MGAM: variants seen among roughly 807,000 people sequenced by gnomAD.
MGAM encodes the protein maltase-glucoamylase.
A neutral mutation model predicts 358.8 loss-of-function variants in MGAM; 253 were observed. The observed-to-expected ratio is 0.71, with a 90% CI of 0.64 to 0.78. The LOEUF (loss-of-function observed/expected upper bound fraction) is 0.78. Ranked by LOEUF, MGAM falls within the 30% of genes least tolerant of loss-of-function variation. The pLI is 0.00. For missense variants in MGAM, 3,080 were observed against 3,432.6 expected, an observed-to-expected ratio of 0.90 and a Z score of 2.57; for synonymous variants, 1,105 against 1,227.1, an observed-to-expected ratio of 0.90 and a Z score of 2.08.
At chr7:142,021,850 G>C (rs1048898236) in intron 6 of MGAM, 113 bp downstream of exon 6, 1 of 1,112,692 alleles carries the variant, frequency 9.0e-7, no homozygotes, top group Non-Finnish European at 1.3e-6. Context: ...GCCCATTATT[G>C]GTGACCAGAA....
intron 1 of MGAM, among the ~76,000 whole-genome samples, chr7:142,001,618 C>A (rs1554450646): frequency 6.6e-6 from 1 of 152,158 alleles, no homozygotes; most frequent in South Asian, 2.1e-4. Flanking sequence ...GGCTCCTCTT[C>A]CTGGCTTTCT....
At chr7:142,015,318 G>A (rs1353860834) in intron 3 of MGAM, among the ~76,000 whole-genome samples, 6 of 152,046 alleles carry the variant, frequency 3.9e-5, no homozygotes, top group African/African-American at 1.4e-4. Context: ...TTACTGTTAA[G>A]AGGCTTTGCT....
chr7:141,993,130 T>C (rs73740222), upstream of MGAM, among the ~76,000 whole-genome samples: 5,414 of 152,264 alleles, frequency 0.036, 137 homozygotes, highest in East Asian at 0.13. Flanking sequence ...TGATAAGAGA[T>C]AGTGATTTTT....
intron 2 of MGAM, 115 bp downstream of exon 2, chr7:142,005,772 C>T: frequency 9.7e-7 from 1 of 1,034,098 alleles, no homozygotes; most frequent in South Asian, 1.6e-5. Flanking sequence ...GTTGCGGGGG[C>T]TGTTATATGT....
Position 142,060,301 on chromosome 7 carries a change from C to T in MGAM, c.4060-10C>T, listed in dbSNP as rs767602138. 3.7e-6 allele frequency: 6 copies of T among 1,613,758 alleles called. No homozygotes were observed. The highest frequency in any genetic ancestry group is 5.1e-6 in the Non-Finnish European group (6 of 1,179,622). On this transcript the variant is annotated splice_polypyrimidine_tract_variant and intron_variant, in intron 33 of 70. Coordinates refer to ENST00000475668, the MANE Select transcript of MGAM (RefSeq NM_001365693.1). ...TAGTGCATCGCTACTGAACGTATTT[C>T]TCTCCATAGGTCTGGCCTGATTTTC...
rs781144067 is a variant in MGAM at position 142,078,768 on chromosome 7, A to T, written c.5647-40A>T. 1.2e-5 allele frequency: 18 copies of T among 1,501,496 alleles called. 1 individual carries two copies. The highest frequency in any genetic ancestry group is 1.0e-4 in the Admixed American group (6 of 57,804). 93.0% of individuals were successfully genotyped at this position (1,501,496 alleles called of 1,614,324 possible). A position where few individuals can be genotyped will look rare whatever the true frequency, so the allele number is the denominator to read the frequency against. The stretch of plus-strand genomic sequence containing the variant: ...GTTTAGGTTAGAGAACTTTAAGACC[A>T]CATGCTGTGCTGATCTATGACTTTG... On this transcript the variant is annotated intron_variant, in intron 48 of 70. Transcript: ENST00000475668.
chr7:142,088,546 TATCC>T (rs1814978414), intron 57 of MGAM, among the ~76,000 whole-genome samples: 3 of 143,084 alleles, frequency 2.1e-5, no homozygotes, highest in Admixed American at 7.1e-5. Context: ...CCACTCTATC[TATCC>T]ATCCATCCTC....
At chr7:142,099,976 C>T (rs535434430) in intron 67 of MGAM, among the ~76,000 whole-genome samples, 7 of 152,322 alleles carry the variant, frequency 4.6e-5, no homozygotes, top group East Asian at 1.9e-4. Flanking sequence ...TGTCATCTTT[C>T]AATCTCACAA....
At chr7:142,028,227 C>T (rs932095154) in intron 10 of MGAM, among the ~76,000 whole-genome samples, 1 of 152,122 alleles carries the variant, frequency 6.6e-6, no homozygotes, top group Admixed American at 6.6e-5. Context: ...TCAGAAATTC[C>T]TCTAAGATTC....
At chr7:142,083,441 G>A (rs766487611) in intron 53 of MGAM, 28 bp downstream of exon 53, 5 of 1,458,596 alleles carry the variant, frequency 3.4e-6, no homozygotes, top group Non-Finnish European at 4.7e-6. Context: ...TGTTTATCAA[G>A]TACTTATATA....
chr7:142,082,228 G>A lies in MGAM; in HGVS notation c.6171+18G>A. On this transcript the variant is annotated intron_variant, in intron 51 of 70. Coordinates refer to ENST00000475668, the MANE Select transcript of MGAM (RefSeq NM_001365693.1). ...CCCCAGGGGTAAGGACAGAGCATTT[G>A]AGATCTGTGTCTCTGCTTCTCTCCA... 4 of 1,547,926 alleles carry A rather than the reference G, an allele frequency of 2.6e-6. 1 individual carries two copies. Among genetic ancestry groups the A allele is most frequent in the East Asian group, 2.3e-5 (1 of 43,828 alleles).
intron 1 of MGAM, among the ~76,000 whole-genome samples, chr7:141,996,258 G>A (rs1426329886): frequency 2.7e-5 from 4 of 148,784 alleles, no homozygotes; most frequent in East Asian, 2.0e-4. Context: ...CCGAGATCAC[G>A]CCACTGCACT....
chr7:142,064,417 A>G lies in MGAM; in HGVS notation c.4379A>G (p.Lys1460Arg), dbSNP rs375342862. The G allele has an allele frequency of 6.2e-7, 1 of 1,608,548 alleles. No homozygotes were observed. The highest frequency in any genetic ancestry group is 1.1e-5 in the South Asian group (1 of 89,472). ...TCCAGGGACAGGGGCCTGAGCAGCA[A>G]GACCCTTTGTATGGAGAGTCAGCAG... is the stretch of plus-strand genomic sequence containing the variant. The part of the protein sequence containing the change: ...LESRDRGLSS[K>R]TLCMESQQIL... Residue 1460 changes from lysine (K) to arginine (R), a missense_variant, in exon 37 of 71, where the codon AAG (lysine) becomes AGG (arginine). Transcript: ENST00000475668.
At chr7:141,996,727 TG>T (rs1159074691) in intron 1 of MGAM, among the ~76,000 whole-genome samples, 1 of 152,210 alleles carries the variant, frequency 6.6e-6, no homozygotes. Flanking sequence ...CTTATGGGTT[TG>T]GTGCCTCTGT....
rs1368339528 is a variant in MGAM at position 142,022,152 on chromosome 7, G to A, written c.711-116G>A. 1.1e-5 allele frequency: 11 copies of A among 958,526 alleles called. No homozygotes were observed. The Admixed American group carries it at 1.6e-4, about 14-fold the overall frequency. 59.4% of individuals were successfully genotyped at this position (958,526 alleles called of 1,614,324 possible). A position where few individuals can be genotyped will look rare whatever the true frequency, so the allele number is the denominator to read the frequency against. On this transcript the variant is annotated intron_variant, in intron 6 of 70. Coordinates refer to ENST00000475668, the MANE Select transcript of MGAM (RefSeq NM_001365693.1). ...GAAAAATGTCACAGGAGGGCAAATGGGACTGAATGAATGGGGGCTATTGAG... is the reference window on the plus strand; with the variant it reads ...GAAAAATGTCACAGGAGGGCAAATGAGACTGAATGAATGGGGGCTATTGAG...
At chr7:142,077,390 A>G (rs1585066609) in intron 47 of MGAM, among the ~76,000 whole-genome samples, 1 of 145,684 alleles carries the variant, frequency 6.9e-6, no homozygotes, top group East Asian at 2.0e-4. Context: ...AAGATGGTTT[A>G]GATTTAGAGG....
chr7:142,058,939 G>C (rs1435248848), intron 31 of MGAM, among the ~76,000 whole-genome samples: 1 of 152,188 alleles, frequency 6.6e-6, no homozygotes, highest in Non-Finnish European at 1.5e-5. Flanking sequence ...TGTTCCATTA[G>C]TGGAATGTAG....
chr7:142,031,881 A>C (rs1807532396), intron 13 of MGAM, 88 bp downstream of exon 13: 4 of 860,726 alleles, frequency 4.6e-6, no homozygotes, highest in African/African-American at 1.7e-5. Context: ...GAGCATAGGG[A>C]GAGGAGGAGG....
intron 15 of MGAM, 114 bp downstream of exon 15, chr7:142,034,493 G>T: frequency 9.9e-7 from 1 of 1,015,016 alleles, no homozygotes; most frequent in Non-Finnish European, 1.4e-6. Flanking sequence ...ACAAAACAAA[G>T]CAAAACAAAA....
Sources: gnomAD v4.1 joint callset for allele counts (sites outside exome capture counted in the v4.1 genomes callset) on GRCh38, gnomAD v4.1.1 for gene constraint, MANE v1.5 for transcripts, NCBI Gene and HGNC (gene_info 2026-07-23, HGNC 2026-07-21) for gene names.